PDE4B: variants seen among roughly 807,000 people sequenced by gnomAD.
PDE4B encodes 3',5'-cyclic-AMP phosphodiesterase 4B.
In PDE4B, 20 loss-of-function variants were observed where a neutral mutation model predicts 82.2. The observed-to-expected ratio is 0.24, with a 90% confidence interval of 0.17 to 0.35. The LOEUF is 0.35. Ranked by LOEUF, PDE4B falls within the 10% of genes least tolerant of loss-of-function variation. The pLI, the probability that PDE4B is intolerant of heterozygous loss-of-function variation, is 1.00. For missense variants in PDE4B, 655 were observed against 907.2 expected, an observed-to-expected ratio of 0.72 and a Z score of 3.57; for synonymous variants, 320 against 318.9, an observed-to-expected ratio of 1.00 and a Z score of -0.04.
intron 3 of PDE4B, among the ~76,000 whole-genome samples, chr1:66,107,677 T>G (rs1645395851): frequency 6.6e-6 from 1 of 152,034 alleles, no homozygotes. Context: ...TTTCTAGTGT[T>G]TTTCCCTTTA....
chr1:66,287,197 C>G (rs1372358529), intron 7 of PDE4B, among the ~76,000 whole-genome samples: 5 of 152,144 alleles, frequency 3.3e-5, no homozygotes, highest in East Asian at 1.9e-4. Flanking sequence ...GTCCTGCCCC[C>G]ACAACTGGCG....
intron 1 of PDE4B, among the ~76,000 whole-genome samples, chr1:65,847,739 A>G (rs962618840): frequency 6.6e-6 from 1 of 152,206 alleles, no homozygotes; most frequent in Non-Finnish European, 1.5e-5. Context: ...ATTAAGGGAA[A>G]GTCCGGAAAG....
chr1:66,041,799 T>TACACACACACACACACACAC (rs376075112), intron 3 of PDE4B, among the ~76,000 whole-genome samples: 6 of 139,034 alleles, frequency 4.3e-5, no homozygotes, highest in African/African-American at 1.0e-4. Flanking sequence ...TGCTTTGAAA[T>TACACACACACACACACACAC]ACACACACAC....
At chr1:66,259,008 A>G (rs1654474382) in intron 6 of PDE4B, among the ~76,000 whole-genome samples, 1 of 152,190 alleles carries the variant, frequency 6.6e-6, no homozygotes, top group South Asian at 2.1e-4. Context: ...TCATTAAGAT[A>G]AAGTTTAAAT....
At chr1:66,208,129 G>T (rs559778506) in intron 3 of PDE4B, among the ~76,000 whole-genome samples, 24 of 152,242 alleles carry the variant, frequency 1.6e-4, no homozygotes, top group Non-Finnish European at 2.9e-4. Flanking sequence ...AATGTTCCAT[G>T]CTCTCTAGGT....
intron 3 of PDE4B, among the ~76,000 whole-genome samples, chr1:66,153,662 C>A (rs867569177): frequency 6.6e-6 from 1 of 152,138 alleles, no homozygotes; most frequent in Admixed American, 6.5e-5. Flanking sequence ...TAGCCCAGTG[C>A]GGAAGGCAGA....
intron 3 of PDE4B, among the ~76,000 whole-genome samples, chr1:65,925,418 T>C (rs2100499135): frequency 1.3e-5 from 2 of 152,274 alleles, no homozygotes; most frequent in East Asian, 1.9e-4. Context: ...TAAGAGGGCA[T>C]GTTGATAAAA....
intron 3 of PDE4B, among the ~76,000 whole-genome samples, chr1:66,001,121 A>G (rs548837469): frequency 6.6e-6 from 1 of 152,332 alleles, no homozygotes; most frequent in South Asian, 2.1e-4. Context: ...AATTTATAAT[A>G]TTAAAATCAT....
chr1:66,298,338 T>A (rs572928173), intron 7 of PDE4B, among the ~76,000 whole-genome samples: 1 of 152,140 alleles, frequency 6.6e-6, no homozygotes, highest in African/African-American at 2.4e-5. Flanking sequence ...GACTACCTAA[T>A]AGGCCTTACT....
At chr1:66,225,708 C>A (rs941118043) in intron 3 of PDE4B, among the ~76,000 whole-genome samples, 1 of 152,232 alleles carries the variant, frequency 6.6e-6, no homozygotes, top group Non-Finnish European at 1.5e-5. Flanking sequence ...GCTGTGAAAT[C>A]TTTTTAAAAT....
At chr1:65,934,849 A>C (rs1169497694) in intron 3 of PDE4B, among the ~76,000 whole-genome samples, 2 of 152,198 alleles carry the variant, frequency 1.3e-5, no homozygotes, top group Non-Finnish European at 2.9e-5. Flanking sequence ...CCAACATCAG[A>C]GCATCTAAAT....
intron 1 of PDE4B, among the ~76,000 whole-genome samples, chr1:65,875,952 T>TA (rs34676619): frequency 3.8e-4 from 57 of 148,782 alleles, no homozygotes; most frequent in East Asian, 1.8e-3. Context: ...AAAGTATAAT[T>TA]AAAAAAAAAA....
intron 2 of PDE4B, among the ~76,000 whole-genome samples, chr1:65,917,900 A>G (rs887034296): frequency 5.9e-5 from 9 of 152,246 alleles, no homozygotes; most frequent in East Asian, 1.9e-4. Flanking sequence ...GTAGTGGCTC[A>G]TGCCTGTAAT....
chr1:65,956,815 G>A (rs1228776197), intron 3 of PDE4B, among the ~76,000 whole-genome samples: 2 of 152,046 alleles, frequency 1.3e-5, no homozygotes, highest in African/African-American at 4.8e-5. Flanking sequence ...TGCTCAGCTT[G>A]AACTTTACCA....
chr1:66,273,172 T>C (rs1422516571), intron 7 of PDE4B, among the ~76,000 whole-genome samples: 1 of 152,192 alleles, frequency 6.6e-6, no homozygotes, highest in Non-Finnish European at 1.5e-5. Flanking sequence ...AGAATTTTGC[T>C]CTCTTTCTTT....
intron 3 of PDE4B, among the ~76,000 whole-genome samples, chr1:66,208,774 C>CA (rs1280265388): frequency 6.6e-6 from 1 of 151,990 alleles, no homozygotes; most frequent in Non-Finnish European, 1.5e-5. Context: ...TAAATAAATG[C>CA]AAAAAATATA....
At chr1:66,248,368 T>A (rs933938731) in intron 4 of PDE4B, among the ~76,000 whole-genome samples, 11 of 152,222 alleles carry the variant, frequency 7.2e-5, no homozygotes, top group Admixed American at 4.6e-4. Flanking sequence ...GATACAATTG[T>A]TTTTATATTA....
chr1:66,140,116 T>C (rs1010686004), intron 3 of PDE4B, among the ~76,000 whole-genome samples: 2 of 152,182 alleles, frequency 1.3e-5, no homozygotes, highest in South Asian at 2.1e-4. Context: ...GGGACCTTTT[T>C]TTTTCCTTTT....
chr1:66,282,479 A>G (rs1656371085), intron 7 of PDE4B, among the ~76,000 whole-genome samples: 1 of 152,212 alleles, frequency 6.6e-6, no homozygotes. Flanking sequence ...TCAGATCAGT[A>G]GTGAAACTGA....
Sources: allele counts gnomAD v4.1 joint callset (sites outside exome capture counted in the v4.1 genomes callset), GRCh38; gene constraint gnomAD v4.1.1; transcripts MANE v1.5; gene names NCBI Gene and HGNC (gene_info 2026-07-23, HGNC 2026-07-21).